SLC39A11: variants seen among roughly 807,000 people sequenced by gnomAD.
SLC39A11 encodes solute carrier family 39 member 11, also known as zinc transporter ZIP11.
SLC39A11 carries 33 observed loss-of-function variants against 36.1 expected under a neutral mutation model. The ratio of observed to expected loss-of-function variants is 0.91; its 90% CI spans 0.69 to 1.22. The LOEUF is 1.22. SLC39A11 is among the 50% of genes most tolerant of loss of function. SLC39A11 has a pLI of 0.00. For missense variants in SLC39A11, 432 were observed against 430.3 expected, an observed-to-expected ratio of 1.00 and a Z score of -0.03; for synonymous variants, 166 against 170.3, an observed-to-expected ratio of 0.97 and a Z score of 0.20.
chr17:73,056,622 G>A (rs2144093705), intron 3 of SLC39A11, among the ~76,000 whole-genome samples: 1 of 152,318 alleles, frequency 6.6e-6, no homozygotes, highest in Non-Finnish European at 1.5e-5. Flanking sequence ...ACGGGACTGA[G>A]TCCTGTAGGG....
intron 6 of SLC39A11, among the ~76,000 whole-genome samples, chr17:72,803,919 C>A (rs1246512910): frequency 6.6e-6 from 1 of 150,874 alleles, no homozygotes; most frequent in Admixed American, 6.6e-5. Flanking sequence ...CCACACAAGA[C>A]AAACTCTTAC....
At chr17:72,947,237 C>T (rs1295419013) in intron 5 of SLC39A11, among the ~76,000 whole-genome samples, 2 of 151,758 alleles carry the variant, frequency 1.3e-5, no homozygotes, top group East Asian at 3.9e-4. Flanking sequence ...TCCCTTGAAC[C>T]TGAAAGGTGG....
intron 3 of SLC39A11, among the ~76,000 whole-genome samples, chr17:73,069,295 T>A (rs962400222): frequency 9.9e-5 from 15 of 152,206 alleles, no homozygotes; most frequent in African/African-American, 1.4e-4. Context: ...ACCCGCCTCA[T>A]AATGACAGGC....
At chr17:73,078,092 G>C (rs1406057103) in intron 3 of SLC39A11, among the ~76,000 whole-genome samples, 1 of 151,928 alleles carries the variant, frequency 6.6e-6, no homozygotes, top group Non-Finnish European at 1.5e-5. Flanking sequence ...CAAAAAATTA[G>C]CCGGGTGTGG....
intron 6 of SLC39A11, among the ~76,000 whole-genome samples, chr17:72,800,232 G>A (rs570806426): frequency 3.3e-5 from 5 of 151,878 alleles, no homozygotes; most frequent in African/African-American, 9.7e-5. Flanking sequence ...CATAGGTGGA[G>A]AGAGCTCCAG....
chr17:72,898,617 T>G (rs1002107923), intron 5 of SLC39A11, among the ~76,000 whole-genome samples: 4 of 152,178 alleles, frequency 2.6e-5, no homozygotes, highest in African/African-American at 9.7e-5. Context: ...CATACACACA[T>G]GCAAGCACAT....
chr17:73,005,820 G>A (rs766169818), intron 4 of SLC39A11, among the ~76,000 whole-genome samples: 2 of 152,068 alleles, frequency 1.3e-5, no homozygotes, highest in African/African-American at 2.4e-5. Context: ...GTGTGGTGGC[G>A]CAGGTCTGTA....
intron 4 of SLC39A11, among the ~76,000 whole-genome samples, chr17:73,004,181 A>AAGAAAGAAAGAT (rs2090009046): frequency 1.2e-5 from 1 of 85,350 alleles, no homozygotes; most frequent in African/African-American, 4.7e-5. Flanking sequence ...GAAAGAAAGA[A>AAGAAAGAAAGAT]AGAAAGAAAG....
intron 5 of SLC39A11, among the ~76,000 whole-genome samples, chr17:72,875,388 C>A (rs1448177513): frequency 1.3e-5 from 2 of 152,210 alleles, no homozygotes; most frequent in Non-Finnish European, 2.9e-5. Flanking sequence ...GCCAGGGTGA[C>A]AGCCACCTTT....
intron 7 of SLC39A11, among the ~76,000 whole-genome samples, chr17:72,659,069 C>T: frequency 6.6e-6 from 1 of 152,182 alleles, no homozygotes. Context: ...GCAGTGGCAA[C>T]TTGGCCACCT....
At chr17:72,830,266 C>T (rs183367927) in intron 6 of SLC39A11, among the ~76,000 whole-genome samples, 3 of 152,288 alleles carry the variant, frequency 2.0e-5, no homozygotes, top group South Asian at 2.1e-4. Context: ...CACTGATACG[C>T]TAGCATAGAG....
intron 3 of SLC39A11, among the ~76,000 whole-genome samples, chr17:73,036,430 T>C (rs960193454): frequency 1.4e-5 from 2 of 141,990 alleles, no homozygotes; most frequent in African/African-American, 2.8e-5. Flanking sequence ...ATCGTTTTTT[T>C]GTTTTGTTTT....
At chr17:73,022,179 C>A (rs999922173) in intron 4 of SLC39A11, among the ~76,000 whole-genome samples, 5 of 152,266 alleles carry the variant, frequency 3.3e-5, no homozygotes, top group African/African-American at 1.2e-4. Context: ...TATTCACCAG[C>A]TGCCCTAGAA....
intron 7 of SLC39A11, among the ~76,000 whole-genome samples, chr17:72,665,330 C>G (rs1175213253): frequency 6.7e-6 from 1 of 148,760 alleles, no homozygotes; most frequent in Non-Finnish European, 1.5e-5. Flanking sequence ...CTCTCAGATT[C>G]TTAACCCATA....
At chr17:72,961,305 G>A (rs571501241) in intron 4 of SLC39A11, among the ~76,000 whole-genome samples, 1 of 152,330 alleles carries the variant, frequency 6.6e-6, no homozygotes, top group East Asian at 1.9e-4. Context: ...TTGTAAATTA[G>A]TTCAACCATC....
intron 5 of SLC39A11, among the ~76,000 whole-genome samples, chr17:72,920,695 A>T (rs954531860): frequency 7.5e-6 from 1 of 133,256 alleles, no homozygotes; most frequent in Non-Finnish European, 1.6e-5. Context: ...CCCTTACAAC[A>T]CCTACACCCC....
At chr17:72,663,026 G>A (rs1206086449) in intron 7 of SLC39A11, among the ~76,000 whole-genome samples, 3 of 152,200 alleles carry the variant, frequency 2.0e-5, no homozygotes, top group African/African-American at 4.8e-5. Flanking sequence ...TTATACCTCT[G>A]TGTGAGTCTG....
At chr17:73,092,430 C>A (rs2060956940) in intron 1 of SLC39A11, 181 bp downstream of exon 1, 1 of 149,318 alleles carries the variant, frequency 6.7e-6, no homozygotes, top group Non-Finnish European at 1.5e-5. Flanking sequence ...CACCCTCCCA[C>A]CCCGCCCCGA....
intron 3 of SLC39A11, among the ~76,000 whole-genome samples, chr17:73,083,040 C>T (rs1018890379): frequency 2.5e-5 from 3 of 117,802 alleles, no homozygotes; most frequent in African/African-American, 9.4e-5. Context: ...AAAAAATGGA[C>T]TTATGCCCAG....
Sources: gnomAD v4.1 joint callset for allele counts (sites outside exome capture counted in the v4.1 genomes callset) on GRCh38, gnomAD v4.1.1 for gene constraint, MANE v1.5 for transcripts, NCBI Gene and HGNC (gene_info 2026-07-23, HGNC 2026-07-21) for gene names.